The following ZNHIT3 variants were observed in gnomAD, a reference collection of about 807,000 sequenced individuals.
ZNHIT3 encodes the protein zinc finger HIT domain-containing protein 3.
ZNHIT3 carries 27 observed loss-of-function variants against 19.9 expected under a neutral mutation model. That is an observed-to-expected ratio of 1.36 (90% confidence interval 1.00 to 1.87). The LOEUF (loss-of-function observed/expected upper bound fraction) is 1.87, where lower values mean the gene tolerates loss of function less well. Ranked by LOEUF, ZNHIT3 falls within the 40% of genes most tolerant of loss-of-function variation. The pLI, the probability that ZNHIT3 is intolerant of heterozygous loss-of-function variation, is 0.00. For missense variants in ZNHIT3, 215 were observed against 185.6 expected, an observed-to-expected ratio of 1.16 and a Z score of -0.92; for synonymous variants, 81 against 65.7, an observed-to-expected ratio of 1.23 and a Z score of -1.13.
downstream of ZNHIT3, chr17:36,496,532 C>G (rs1683185528): frequency 1.2e-6 from 1 of 855,594 alleles, no homozygotes; most frequent in African/African-American, 1.7e-5. Context: ...GGGGCCACAG[C>G]AGGATTAAAA....
intron 2 of ZNHIT3, among the ~76,000 whole-genome samples, chr17:36,488,861 A>G (rs2070655871): frequency 6.6e-6 from 1 of 152,254 alleles, no homozygotes; most frequent in East Asian, 1.9e-4. Flanking sequence ...ATTTGAAAGT[A>G]TAAATTGCTG....
downstream of ZNHIT3, chr17:36,499,014 G>T (rs1193729179): frequency 1.5e-6 from 2 of 1,341,338 alleles, no homozygotes; most frequent in South Asian, 1.3e-5. Flanking sequence ...ATTCCCACTC[G>T]GGTCCATCTG....
chr17:36,495,277 TG>T lies in ZNHIT3; in HGVS notation c.343del (p.Val115SerfsTer13). ...CTCAATCCACACCTCAGGCAGTTGA[TG>T]GTCAACCTCGATCAGGGAGAAGACA... ...LLLNPHLRQL[M>X]VNLDQGEDKA... is the part of the protein sequence containing the mutation. On this transcript the variant is annotated frameshift_variant, in exon 5 of 5. Coordinates refer to ENST00000617429, the MANE Select transcript of ZNHIT3 (RefSeq NM_004773.4). LOFTEE classifies it high-confidence loss of function. 1 of 1,613,098 alleles carries T rather than the reference TG, an allele frequency of 6.2e-7. No homozygotes were observed. The highest frequency in any genetic ancestry group is 8.5e-7 in the Non-Finnish European group (1 of 1,179,822).
chr17:36,494,971 A>T (rs2070853754), intron 4 of ZNHIT3, among the ~76,000 whole-genome samples: 7 of 152,106 alleles, frequency 4.6e-5, no homozygotes, highest in Admixed American at 3.9e-4. Flanking sequence ...TTTAATGCGG[A>T]AATAGTTTGA....
chr17:36,498,986 T>G (rs1382799156), downstream of ZNHIT3: 14 of 1,051,336 alleles, frequency 1.3e-5, no homozygotes, highest in Non-Finnish European at 1.8e-5. Flanking sequence ...CCACCTGCAT[T>G]GCAGTGGCAG....
downstream of ZNHIT3, chr17:36,498,817 AC>A: frequency 1.7e-6 from 1 of 593,270 alleles, no homozygotes; most frequent in Non-Finnish European, 3.0e-6. Flanking sequence ...ATGCCATAAA[AC>A]CCAGTCTTCT....
At position 36,495,718 on chromosome 17, in the gene ZNHIT3, TGGTC is replaced by T; in HGVS notation, c.*315_*318del. Reference sequence around the variant, plus strand: ...CTTACACTTCATATGGAGTTAAACTTGGTCAGTGTTAATAAAATCAAAACGTGAT... The same window carrying T: ...CTTACACTTCATATGGAGTTAAACTTAGTGTTAATAAAATCAAAACGTGAT... On this transcript the variant is annotated 3_prime_UTR_variant, in exon 5 of 5. Transcript: ENST00000617429. 1.6e-6 allele frequency: 2 copies of T among 1,250,650 alleles called. No individual in the cohort carries two copies. Among genetic ancestry groups the T allele is most frequent in the Non-Finnish European group, 2.0e-6 (2 of 999,092 alleles). The allele number at this position is 1,250,650 out of a possible 1,614,324, so 77.5% of individuals were successfully genotyped here.
chr17:36,495,509 A>T lies in ZNHIT3; in HGVS notation c.*105A>T. 12 of 1,399,944 alleles carry T rather than the reference A, an allele frequency of 8.6e-6. No homozygotes were observed. Among genetic ancestry groups the T allele is most frequent in the Non-Finnish European group, 1.1e-5 (12 of 1,079,852 alleles). The allele number at this position is 1,399,944 out of a possible 1,614,324, so 86.7% of individuals were successfully genotyped here. On this transcript the variant is annotated 3_prime_UTR_variant, in exon 5 of 5. Coordinates refer to ENST00000617429, the MANE Select transcript of ZNHIT3 (RefSeq NM_004773.4). ...TGGGGCTGGGGAGCTCAGGCAAAAG[A>T]GGTTTCCAGGATGCAGATTAGGTCA...
chr17:36,496,103 G>C (rs990690753), downstream of ZNHIT3: 9 of 1,123,512 alleles, frequency 8.0e-6, no homozygotes, highest in Non-Finnish European at 1.1e-5. Context: ...CACTGGGCAC[G>C]GGGCTCTGGG....
chr17:36,497,649 A>AT, downstream of ZNHIT3: 1 of 608,536 alleles, frequency 1.6e-6, no homozygotes, highest in Non-Finnish European at 2.1e-6. Context: ...CAGCGGCGCA[A>AT]TCTCGGCTCA....
downstream of ZNHIT3, chr17:36,497,464 A>G (rs574780280): frequency 1.5e-4 from 131 of 893,146 alleles, 2 homozygotes; most frequent in African/African-American, 2.1e-3. Context: ...AACTCCTCAC[A>G]ACCCAAGTTG....
chr17:36,498,865 T>C (rs1187098372), downstream of ZNHIT3: 1 of 590,548 alleles, frequency 1.7e-6, no homozygotes, highest in Non-Finnish European at 3.0e-6. Flanking sequence ...ATTCCCAGAG[T>C]TGCTTATACC....
intron 4 of ZNHIT3, 28 bp downstream of exon 4, chr17:36,494,034 T>C (rs763706085): frequency 2.0e-6 from 3 of 1,519,556 alleles, no homozygotes; most frequent in Non-Finnish European, 2.7e-6. Context: ...TTGTCAATCG[T>C]TGAGATACAT....
At chr17:36,496,120 G>T, downstream of ZNHIT3, 1 of 1,287,444 alleles carries the variant, frequency 7.8e-7, no homozygotes, top group Non-Finnish European at 1.1e-6. Flanking sequence ...TGGGTCGAAG[G>T]CTGGAGCCGT....
At chr17:36,486,839 G>A (rs2070566621) in intron 1 of ZNHIT3, 54 bp downstream of exon 1, 2 of 1,601,114 alleles carry the variant, frequency 1.2e-6, no homozygotes, top group Non-Finnish European at 1.7e-6. Flanking sequence ...CATGGCGGGA[G>A]GGCGGGAGGC....
At position 36,487,237 on chromosome 17, in the gene ZNHIT3, T is replaced by C. The variant is rs2070589020; in HGVS notation, c.118+271T>C. Among the ~76,000 whole-genome samples, 3 of 152,258 alleles carry C rather than the reference T, an allele frequency of 2.0e-5. No individual in the cohort carries two copies. In the South Asian group the frequency reaches 6.2e-4, roughly 32 times the overall value. ...GCTTCTCCTTCTGCGTGTTACTCTT[T>C]TTTGCTTAGAAATAGTTTCCGATTG... On this transcript the variant is annotated intron_variant, in intron 2 of 4. Transcript: ENST00000617429.
At position 36,486,770 on chromosome 17, in the gene ZNHIT3, C is replaced by G. The variant is rs764827911; in HGVS notation, c.71C>G (p.Ala24Gly). Residue 24 changes from alanine to glycine, a missense_variant, in exon 1 of 5, where the codon GCC (alanine) becomes GGC (glycine). Ala to Gly is a moderately conservative substitution (Grantham distance 60). Coordinates refer to ENST00000617429, the MANE Select transcript of ZNHIT3 (RefSeq NM_004773.4). ...GAGAAGCCCAAATACCGCTGTCCAG[C>G]CTGCCGCGTGCCCTAGTGAGCGGGG... Reference protein sequence around the residue: ...CLEKPKYRCPACRVPYCSVVC... With the variant: ...CLEKPKYRCPGCRVPYCSVVC... The G allele has an allele frequency of 1.2e-6, 2 of 1,613,278 alleles. No homozygotes were observed. The highest frequency in any genetic ancestry group is 1.7e-6 in the Non-Finnish European group (2 of 1,179,686).
At chr17:36,488,119 T>C (rs2070627214) in intron 2 of ZNHIT3, among the ~76,000 whole-genome samples, 1 of 148,728 alleles carries the variant, frequency 6.7e-6, no homozygotes, top group Non-Finnish European at 1.5e-5. Flanking sequence ...AAAAGCTTGA[T>C]GTAGATTCTT....
chr17:36,497,876 C>T (rs1364412574), downstream of ZNHIT3: 3 of 198,338 alleles, frequency 1.5e-5, no homozygotes, highest in Non-Finnish European at 3.1e-5. Flanking sequence ...TGAGCCACCG[C>T]TCCAGGCCCT....
Sources: allele counts gnomAD v4.1 joint callset (sites outside exome capture counted in the v4.1 genomes callset), GRCh38; gene constraint gnomAD v4.1.1; transcripts MANE v1.5; gene names NCBI Gene and HGNC (gene_info 2026-07-23, HGNC 2026-07-21).